Variants in PLB1 observed in about 807,000 individuals in gnomAD.
PLB1 encodes the protein phospholipase B1, membrane-associated.
Under a neutral mutation model 227.4 loss-of-function variants are expected in PLB1, and 242 were observed. The ratio of observed to expected loss-of-function variants is 1.06; its 90% CI spans 0.96 to 1.18. The LOEUF (loss-of-function observed/expected upper bound fraction) is 1.18. Ranked by LOEUF, PLB1 falls within the 50% of genes most tolerant of loss-of-function variation. PLB1 has a pLI of 0.00. For missense variants in PLB1, 1,858 were observed against 1,816.3 expected (o/e 1.02, Z -0.42); for synonymous variants, 757 against 682.2 (o/e 1.11, Z -1.71).
intron 56 of PLB1, among the ~76,000 whole-genome samples, chr2:28,637,681 G>C (rs2148349985): frequency 6.6e-6 from 1 of 152,312 alleles, no homozygotes; most frequent in Non-Finnish European, 1.5e-5. Flanking sequence ...TTACAGTCTA[G>C]TGACTCCAGC....
At chr2:28,505,684 G>A (rs563769779) in intron 1 of PLB1, among the ~76,000 whole-genome samples, 6 of 152,182 alleles carry the variant, frequency 3.9e-5, no homozygotes, top group Non-Finnish European at 5.9e-5. Flanking sequence ...GGTTCTTCCT[G>A]AAGGTTGGCT....
intron 1 of PLB1, among the ~76,000 whole-genome samples, chr2:28,509,015 C>G (rs990911049): frequency 2.6e-5 from 4 of 152,140 alleles, no homozygotes; most frequent in Admixed American, 1.3e-4. Context: ...CTTTCCAGTT[C>G]TTTGATCCTC....
At chr2:28,503,146 TTTTTTA>T (rs1396158378) in intron 1 of PLB1, among the ~76,000 whole-genome samples, 1 of 152,070 alleles carries the variant, frequency 6.6e-6, no homozygotes, top group African/African-American at 2.4e-5. Context: ...TTCAAACCAA[TTTTTTA>T]TTTTTATTTT....
intron 21 of PLB1, among the ~76,000 whole-genome samples, chr2:28,575,506 C>T (rs992904117): frequency 4.6e-5 from 7 of 152,300 alleles, no homozygotes; most frequent in Non-Finnish European, 7.3e-5. Context: ...AAGTAGCTTT[C>T]TTATTCATTG....
chr2:28,567,821 G>A (rs13418343), intron 20 of PLB1, among the ~76,000 whole-genome samples: 16,473 of 152,094 alleles, frequency 0.11, 1,182 homozygotes, highest in East Asian at 0.32. Context: ...ATTCTCGCCA[G>A]TGCGTACACA....
At chr2:28,594,691 G>A (rs1682606480) in intron 33 of PLB1, 1 of 152,450 alleles carries the variant, frequency 6.6e-6, no homozygotes, top group Non-Finnish European at 1.5e-5. Flanking sequence ...CACCCACAAC[G>A]AGGACCTAGG....
rs1264891508 is a variant in PLB1, at chr2:28,518,369, A to G, written c.118-97A>G. On this transcript the variant is annotated intron_variant, in intron 2 of 57. Transcript: ENST00000327757. Reference sequence around the variant, plus strand: ...TTGTTTCTAGATTTTGAGCCTAGATAGAATGAGTACATGATCATTTCTACA... The same window carrying G: ...TTGTTTCTAGATTTTGAGCCTAGATGGAATGAGTACATGATCATTTCTACA... 1.7e-5 allele frequency: 16 copies of G among 920,318 alleles called. 1 individual carries two copies. The highest frequency in any genetic ancestry group is 2.2e-4 in the Middle Eastern group (1 of 4,610). 57.0% of individuals were successfully genotyped at this position (920,318 alleles called of 1,614,324 possible). A position where few individuals can be genotyped will look rare whatever the true frequency, so the allele number is the denominator to read the frequency against.
intron 54 of PLB1, 74 bp from the exon 55 acceptor site, chr2:28,631,962 C>T: frequency 7.7e-7 from 1 of 1,295,092 alleles, no homozygotes; most frequent in Admixed American, 1.7e-5. Context: ...AACAACCAAT[C>T]CAAGGCAGCA....
At position 28,517,811 on chromosome 2, in the gene PLB1, G is replaced by A. The variant is rs1189782517; in HGVS notation, c.118-655G>A. 2.0e-5 allele frequency among the ~76,000 whole-genome samples: 3 copies of A among 151,248 alleles called. No individual in the cohort carries two copies. In the East Asian group the frequency reaches 5.8e-4, roughly 29 times the overall value. On this transcript the variant is annotated intron_variant, in intron 2 of 57. Transcript: ENST00000327757. ...CCATGTTTGAGTGCACAATTCAGTAGCATTAAGTACTTTACATTACTGTGC... is the reference window on the plus strand; with the variant it reads ...CCATGTTTGAGTGCACAATTCAGTAACATTAAGTACTTTACATTACTGTGC...
At chr2:28,567,745 T>C (rs1175834930) in intron 20 of PLB1, among the ~76,000 whole-genome samples, 4 of 152,198 alleles carry the variant, frequency 2.6e-5, no homozygotes, top group Non-Finnish European at 5.9e-5. Context: ...GTGCTGGGAT[T>C]ACAGGCGGAA....
chr2:28,594,908 C>T (rs1682643781), intron 33 of PLB1: 2 of 152,080 alleles, frequency 1.3e-5, no homozygotes. Flanking sequence ...GAGCTTATTA[C>T]AATCAGGAAA....
intron 1 of PLB1, among the ~76,000 whole-genome samples, chr2:28,509,431 G>A (rs1450750502): frequency 4.6e-5 from 7 of 152,198 alleles, no homozygotes. Flanking sequence ...GCATTTGGGG[G>A]CTAGGTAGCA....
At chr2:28,521,263 T>A (rs781207583) in intron 4 of PLB1, among the ~76,000 whole-genome samples, 1 of 152,244 alleles carries the variant, frequency 6.6e-6, no homozygotes, top group African/African-American at 2.4e-5. Context: ...TTCAAGTCCC[T>A]GCTTTCATTT....
chr2:28,535,371 C>T (rs1245835801), intron 9 of PLB1, among the ~76,000 whole-genome samples: 2 of 152,218 alleles, frequency 1.3e-5, no homozygotes, highest in Admixed American at 6.5e-5. Context: ...ATCTCACCTC[C>T]ACTTCCACTT....
At chr2:28,599,226 A>G (rs960522541) in intron 35 of PLB1, among the ~76,000 whole-genome samples, 1 of 152,186 alleles carries the variant, frequency 6.6e-6, no homozygotes, top group Non-Finnish European at 1.5e-5. Flanking sequence ...CTAACAAGAA[A>G]TGGAATGGAG....
intron 20 of PLB1, among the ~76,000 whole-genome samples, chr2:28,568,196 C>A (rs1677378607): frequency 6.6e-6 from 1 of 152,210 alleles, no homozygotes; most frequent in Non-Finnish European, 1.5e-5. Context: ...AAATCAGTTC[C>A]TCTATTGCTA....
At chr2:28,619,249 CTT>C (rs1479584860) in intron 46 of PLB1, among the ~76,000 whole-genome samples, 1 of 152,142 alleles carries the variant, frequency 6.6e-6, no homozygotes, top group Non-Finnish European at 1.5e-5. Flanking sequence ...CCACCTAGGA[CTT>C]TTAAAATAGG....
intron 1 of PLB1, among the ~76,000 whole-genome samples, chr2:28,500,435 T>G (rs185323551): frequency 6.6e-6 from 1 of 152,232 alleles, no homozygotes; most frequent in Non-Finnish European, 1.5e-5. Flanking sequence ...ACTGTGAGAC[T>G]GTGTGATTAC....
chr2:28,511,788 C>CTTTTTT (rs59137589), intron 1 of PLB1, among the ~76,000 whole-genome samples: 6 of 132,650 alleles, frequency 4.5e-5, no homozygotes, highest in African/African-American at 1.4e-4. Flanking sequence ...GCCATTTTAT[C>CTTTTTT]TTTTTTTTTT....
Sources: gnomAD v4.1 joint callset for allele counts (sites outside exome capture counted in the v4.1 genomes callset) on GRCh38, gnomAD v4.1.1 for gene constraint, MANE v1.5 for transcripts, NCBI Gene and HGNC (gene_info 2026-07-23, HGNC 2026-07-21) for gene names.